Variants in MEST observed in about 807,000 individuals in gnomAD.
MEST encodes the protein mesoderm specific transcript, also known as mesoderm-specific transcript homolog protein.
A neutral mutation model predicts 50.9 loss-of-function variants in MEST; 18 were observed. The ratio of observed to expected loss-of-function variants is 0.35; its 90% CI spans 0.24 to 0.52. MEST has a LOEUF of 0.52. MEST is among the 20% of genes least tolerant of loss of function. The probability of loss-of-function intolerance (pLI) is 0.94; values close to 1 mark genes in which losing one functional copy is unlikely to be tolerated. For missense variants in MEST, 282 were observed against 425.3 expected (o/e 0.66, Z 2.96); for synonymous variants, 130 against 154.1 (o/e 0.84, Z 1.16).
upstream of MEST, among the ~76,000 whole-genome samples, chr7:130,490,296 G>A (rs1426267197): frequency 1.3e-5 from 2 of 152,164 alleles, no homozygotes; most frequent in African/African-American, 2.4e-5. Flanking sequence ...AAATTCTCTT[G>A]CTATCCTAAT....
chr7:130,498,337 T>C (rs759473559), intron 5 of MEST, 62 bp downstream of exon 5: 5 of 1,611,654 alleles, frequency 3.1e-6, no homozygotes, highest in South Asian at 2.2e-5. Flanking sequence ...CTGGACTGTT[T>C]GTATCCTTTT....
chr7:130,497,142 T>A lies in MEST; in HGVS notation c.182-14T>A. 6.2e-7 allele frequency: 1 copy of A among 1,605,360 alleles called. No homozygotes were observed. Among genetic ancestry groups the A allele is most frequent in the Non-Finnish European group, 8.5e-7 (1 of 1,175,414 alleles). ...GGGATTTGGCATAATTGATTGTACT[T>A]TCCTTCTTCCTAGACTCTGTGGGTG... On this transcript the variant is annotated splice_polypyrimidine_tract_variant and intron_variant, in intron 2 of 11. Transcript: ENST00000223215. The surrounding 1 kb of genome is among the most constrained non-coding windows in gnomAD (Gnocchi z 4.0).
chr7:130,495,580 GTA>G (rs1799016447), intron 2 of MEST, 58 bp downstream of exon 2: 13 of 1,556,566 alleles, frequency 8.4e-6, no homozygotes, highest in Middle Eastern at 2.2e-4. Context: ...CCCAGCTGAG[GTA>G]TTTATTTTGT....
chr7:130,498,664 GT>G (rs1799162390), intron 6 of MEST, 187 bp downstream of exon 6: 1 of 623,986 alleles, frequency 1.6e-6, no homozygotes, highest in Non-Finnish European at 2.8e-6. Flanking sequence ...TTCTCAGAAT[GT>G]TTTAAAATAA....
At chr7:130,496,328 A>T in intron 2 of MEST, 1 of 383,106 alleles carries the variant, frequency 2.6e-6, no homozygotes, top group South Asian at 1.9e-5. Flanking sequence ...TACATTTTCA[A>T]ACTATACTAC....
intron 5 of MEST, 66 bp from the exon 6 acceptor site, chr7:130,498,353 C>G (rs782741593): frequency 1.2e-6 from 2 of 1,610,208 alleles, no homozygotes; most frequent in Non-Finnish European, 1.7e-6. Flanking sequence ...CTTTTTCTCT[C>G]GTTTTCAGCG....
Position 130,500,153 on chromosome 7 carries a change from C to G in MEST, c.576+238C>G. 1 of 547,694 alleles carries G rather than the reference C, an allele frequency of 1.8e-6. No homozygotes were observed. 33.9% of individuals were successfully genotyped at this position (547,694 alleles called of 1,614,324 possible). ...GATCAACAAATATTTGGAGAAATTA[C>G]AGCTATGGAAAGATCTGTGTCACAA... On this transcript the variant is annotated intron_variant, in intron 7 of 11. Coordinates refer to ENST00000223215, the MANE Select transcript of MEST (RefSeq NM_002402.4). This position sits in a 1 kb window ranked among gnomAD's most constrained non-coding sequence, Gnocchi z 5.0.
upstream of MEST, chr7:130,488,827 AC>A (rs1437834585): frequency 6.6e-6 from 1 of 152,212 alleles, no homozygotes; most frequent in African/African-American, 2.4e-5. Flanking sequence ...GTGAGTTCTA[AC>A]CAGCATAATA....
At chr7:130,486,292 C>T (rs1040187754) in exon 1 of MEST, 2 of 152,258 alleles carry the variant, frequency 1.3e-5, no homozygotes, top group Non-Finnish European at 2.9e-5. Context: ...CCGGGTCCTC[C>T]CTGGGAACAG....
At chr7:130,487,644 T>G (rs1798664342), upstream of MEST, 1 of 152,148 alleles carries the variant, frequency 6.6e-6, no homozygotes, top group African/African-American at 2.4e-5. Context: ...GGTTAATTTG[T>G]TTTTGTTTGG....
At chr7:130,496,248 TC>T in intron 2 of MEST, 1 of 442,430 alleles carries the variant, frequency 2.3e-6, no homozygotes, top group Admixed American at 2.9e-5. Flanking sequence ...TTGGGTTACT[TC>T]CAGTTTTACT....
chr7:130,504,763 T>TA (rs1554439443), intron 11 of MEST, among the ~76,000 whole-genome samples, 176 bp from the exon 12 acceptor site: 3 of 152,260 alleles, frequency 2.0e-5, no homozygotes. Context: ...TTTGTATAAA[T>TA]GGAATTGGCA....
chr7:130,505,232 A>G lies in MEST; in HGVS notation c.*176A>G. 1 of 579,154 alleles carries G rather than the reference A, an allele frequency of 1.7e-6. No homozygotes were observed. Among genetic ancestry groups the G allele is most frequent in the Non-Finnish European group, 3.1e-6 (1 of 320,514 alleles). The allele number at this position is 579,154 out of a possible 1,614,324, so 35.9% of individuals were successfully genotyped here. On this transcript the variant is annotated 3_prime_UTR_variant, in exon 12 of 12. Transcript: ENST00000223215. ...GAAGAAGCCAGCAGGAGCTCTGACT[A>G]AGGTTGACATAATAGTCCACCTCCC...
chr7:130,501,412 C>T (rs2116289343), intron 9 of MEST, among the ~76,000 whole-genome samples: 1 of 152,284 alleles, frequency 6.6e-6, no homozygotes, highest in South Asian at 2.1e-4. Flanking sequence ...CCCACCCTCT[C>T]CTAAGCCCCA....
chr7:130,498,361 G>A (rs1295513908), intron 5 of MEST, 58 bp from the exon 6 acceptor site: 2 of 1,611,688 alleles, frequency 1.2e-6, no homozygotes, highest in East Asian at 2.2e-5. Context: ...CTCGTTTTCA[G>A]CGGTGCACTG....
Position 130,497,875 on chromosome 7 carries a change from T to G in MEST, c.262-61T>G. On this transcript the variant is annotated intron_variant, in intron 3 of 11. Coordinates refer to ENST00000223215, the MANE Select transcript of MEST (RefSeq NM_002402.4). This position sits in a 1 kb window ranked among gnomAD's most constrained non-coding sequence, Gnocchi z 4.0. ...TAGGGCTGAAGCTCCTGTGCAACTG[T>G]AGGTCTGGTGAAAGGGAGGGGCAGG... 2.0e-6 allele frequency: 3 copies of G among 1,483,372 alleles called. No individual in the cohort carries two copies. Among genetic ancestry groups the G allele is most frequent in the Non-Finnish European group, 1.9e-6 (2 of 1,061,206 alleles). The allele number at this position is 1,483,372 out of a possible 1,614,324, so 91.9% of individuals were successfully genotyped here.
upstream of MEST, chr7:130,491,999 G>C (rs1346823719): frequency 5.5e-6 from 1 of 181,136 alleles, no homozygotes; most frequent in East Asian, 1.4e-4. This position sits in a 1 kb window ranked among gnomAD's most constrained non-coding sequence, Gnocchi z 6.8. Context: ...GAGCAAGGGA[G>C]CAGGCGGTAG....
upstream of MEST, chr7:130,487,885 G>C (rs1360466410): frequency 6.6e-6 from 1 of 152,396 alleles, no homozygotes; most frequent in African/African-American, 2.4e-5. Flanking sequence ...GACCTGAAGT[G>C]ATCCGCCTGC....
chr7:130,499,770 T>C lies in MEST; in HGVS notation c.536-105T>C, dbSNP rs78053160. ...ACTTTGGGAGGCTGAGGTGAGAGGA[T>C]TGCTTGAGCTCGAGACCAGCTGGGC... On this transcript the variant is annotated intron_variant, in intron 6 of 11. Transcript: ENST00000223215. The C allele has an allele frequency of 4.0e-3, 3,418 of 850,556 alleles. 88 individuals are homozygous for C. In the African/African-American group the frequency reaches 0.053, roughly 13 times the overall value. 52.7% of individuals were successfully genotyped at this position (850,556 alleles called of 1,614,324 possible).
Sources: allele counts gnomAD v4.1 joint callset (sites outside exome capture counted in the v4.1 genomes callset), GRCh38; gene constraint gnomAD v4.1.1; non-coding constraint Gnocchi (gnomAD v3.1); transcripts MANE v1.5; gene names NCBI Gene and HGNC (gene_info 2026-07-23, HGNC 2026-07-21).